PCYT1B: variants seen among roughly 807,000 people sequenced by gnomAD.
PCYT1B encodes the protein phosphate cytidylyltransferase 1B, choline, also known as choline-phosphate cytidylyltransferase B.
A neutral mutation model predicts 26.4 loss-of-function variants in PCYT1B; 10 were observed. That is an observed-to-expected ratio of 0.38 (90% CI 0.23 to 0.64). The LOEUF is 0.64. PCYT1B is among the 30% of genes least tolerant of loss of function. PCYT1B has a pLI of 0.56. For missense variants in PCYT1B, 161 were observed against 292.7 expected (o/e 0.55, Z 3.28); for synonymous variants, 131 against 108.4 (o/e 1.21, Z -1.29).
intron 1 of PCYT1B, among the ~76,000 whole-genome samples, chrX:24,634,383 T>C (rs1309523590): frequency 2.7e-5 from 3 of 112,539 alleles, no homozygotes; most frequent in African/African-American, 3.2e-5. Context: ...TGAGCCTAGA[T>C]AAAGGTATTT....
rs535133309 is a variant in PCYT1B, at chrX:24,600,705, G to A, written c.334+7040C>T. The stretch of plus-strand genomic sequence containing the variant: ...AAACCAAATTGATATTGAAGGAGAA[G>A]AAAGTGTCAGAAAACTGACACTATC... On this transcript the variant is annotated intron_variant, in intron 3 of 7. Coordinates refer to ENST00000379144, the MANE Select transcript of PCYT1B (RefSeq NM_004845.5). 2.1e-4 allele frequency among the ~76,000 whole-genome samples: 23 copies of A among 111,197 alleles called. No homozygotes were observed. In the South Asian group the frequency reaches 8.7e-3, roughly 42 times the overall value.
intron 1 of PCYT1B, among the ~76,000 whole-genome samples, chrX:24,622,313 T>C (rs1925725581): frequency 9.0e-6 from 1 of 111,501 alleles, no homozygotes. Flanking sequence ...GAGACAATGT[T>C]TTTTCAGTCC....
chrX:24,607,021 T>G (rs1356237765), intron 3 of PCYT1B, among the ~76,000 whole-genome samples: 1 of 112,317 alleles, frequency 8.9e-6, no homozygotes, highest in Non-Finnish European at 1.9e-5. Context: ...AACTGATTAC[T>G]CTGAATGAAT....
At chrX:24,615,101 T>C (rs773245439) in intron 2 of PCYT1B, among the ~76,000 whole-genome samples, 1 of 112,278 alleles carries the variant, frequency 8.9e-6, no homozygotes, top group African/African-American at 3.2e-5. Flanking sequence ...ATTACAGGCA[T>C]GAGCCACCGC....
chrX:24,671,341 G>GAATGAATCAATC (rs1555967559), intron 1 of PCYT1B, among the ~76,000 whole-genome samples: 1 of 102,960 alleles, frequency 9.7e-6, no homozygotes, highest in Non-Finnish European at 2.0e-5. Context: ...ATGAATGAAT[G>GAATGAATCAATC]AATCAATCAA....
intron 1 of PCYT1B, among the ~76,000 whole-genome samples, chrX:24,624,487 CT>C (rs1330987717): frequency 4.5e-5 from 5 of 112,040 alleles, no homozygotes; most frequent in South Asian, 3.7e-4. Context: ...AATATCTTCC[CT>C]TTTGCCTCTC....
intron 7 of PCYT1B, among the ~76,000 whole-genome samples, chrX:24,571,130 A>G (rs1923809886): frequency 8.9e-6 from 1 of 111,834 alleles, no homozygotes. Flanking sequence ...GCGGGAGGCC[A>G]AGGTGGGTGG....
At chrX:24,570,423 T>G (rs1227936865) in intron 7 of PCYT1B, among the ~76,000 whole-genome samples, 1 of 107,487 alleles carries the variant, frequency 9.3e-6, no homozygotes, top group Non-Finnish European at 1.9e-5. Context: ...CTGGCTAATT[T>G]TTATATTTTT....
rs764638194 is a variant in PCYT1B, at chrX:24,663,902, G to A, written c.63+8668C>T. Among the ~76,000 whole-genome samples, 3 of 110,028 alleles carry A rather than the reference G, an allele frequency of 2.7e-5. No homozygotes were observed. The East Asian group carries it at 8.5e-4, about 31-fold the overall frequency. On this transcript the variant is annotated intron_variant, in intron 1 of 7. Coordinates refer to the PCYT1B transcript ENST00000379145. Reference sequence around the variant, plus strand: ...CCACTGCACTCCAGCCTGGGTGACAGAGCGAGATTCCGTCTCAAAAACAAA... The same window carrying A: ...CCACTGCACTCCAGCCTGGGTGACAAAGCGAGATTCCGTCTCAAAAACAAA...
At chrX:24,593,700 T>C (rs1337454180) in intron 3 of PCYT1B, among the ~76,000 whole-genome samples, 1 of 108,714 alleles carries the variant, frequency 9.2e-6, no homozygotes, top group Non-Finnish European at 1.9e-5. Context: ...CTAATTTTTG[T>C]ATTTTTAATA....
At chrX:24,641,832 T>A (rs1466377002) in intron 1 of PCYT1B, among the ~76,000 whole-genome samples, 1 of 112,458 alleles carries the variant, frequency 8.9e-6, no homozygotes, top group Non-Finnish European at 1.9e-5. Flanking sequence ...ATGCTGTATT[T>A]CTACTGGGCA....
intron 5 of PCYT1B, among the ~76,000 whole-genome samples, chrX:24,582,063 A>G (rs1362394325): frequency 8.9e-6 from 1 of 112,314 alleles, no homozygotes; most frequent in African/African-American, 3.2e-5. Flanking sequence ...TAAACACACG[A>G]ACATAAATAG....
intron 2 of PCYT1B, among the ~76,000 whole-genome samples, chrX:24,610,048 G>A (rs1055167324): frequency 5.4e-5 from 6 of 111,089 alleles, no homozygotes; most frequent in Non-Finnish European, 9.4e-5. Context: ...AGCTGATTGC[G>A]CCACTGCACT....
upstream of PCYT1B, among the ~76,000 whole-genome samples, chrX:24,650,622 A>G (rs1926744877): frequency 8.9e-6 from 1 of 112,028 alleles, no homozygotes; most frequent in African/African-American, 3.2e-5. Flanking sequence ...GTGGCCGTCC[A>G]AGAATCATTA....
intron 1 of PCYT1B, among the ~76,000 whole-genome samples, chrX:24,661,752 G>A (rs1355937717): frequency 8.9e-6 from 1 of 112,176 alleles, no homozygotes; most frequent in East Asian, 2.8e-4. Context: ...TATGTACACT[G>A]TATTATTTGA....
intron 2 of PCYT1B, among the ~76,000 whole-genome samples, chrX:24,617,044 C>G: frequency 8.9e-6 from 1 of 111,775 alleles, no homozygotes; most frequent in Non-Finnish European, 1.9e-5. Flanking sequence ...TTCTTGGGCC[C>G]CACCCCAGTT....
At chrX:24,606,035 C>G (rs765303889) in intron 3 of PCYT1B, among the ~76,000 whole-genome samples, 3 of 75,360 alleles carry the variant, frequency 4.0e-5, no homozygotes, top group African/African-American at 1.7e-4. Flanking sequence ...GCCTGGGTGA[C>G]AGAGCAAGAC....
At chrX:24,616,806 C>A (rs149778762) in intron 2 of PCYT1B, among the ~76,000 whole-genome samples, 5 of 112,021 alleles carry the variant, frequency 4.5e-5, no homozygotes, top group African/African-American at 1.6e-4. Flanking sequence ...CCTTGTTTTG[C>A]CTTTTTCAAA....
chrX:24,623,849 A>T (rs1925784983), intron 1 of PCYT1B, among the ~76,000 whole-genome samples: 1 of 111,557 alleles, frequency 9.0e-6, no homozygotes. Context: ...TGCAATGTAC[A>T]TCGCTGACTG....
Sources: allele counts gnomAD v4.1 joint callset (sites outside exome capture counted in the v4.1 genomes callset), GRCh38; gene constraint gnomAD v4.1.1; transcripts MANE v1.5; gene names NCBI Gene and HGNC (gene_info 2026-07-23, HGNC 2026-07-21).